NEURL1: variants seen among roughly 807,000 people sequenced by gnomAD.
The protein encoded by NEURL1 is neuralized E3 ubiquitin protein ligase 1, also known as E3 ubiquitin-protein ligase NEURL1.
In NEURL1, 26 loss-of-function variants were observed where a neutral mutation model predicts 41.2. The observed-to-expected ratio is 0.63, with a 90% CI of 0.46 to 0.87. The LOEUF is 0.87. NEURL1 is among the 40% of genes least tolerant of loss of function. The pLI is 0.00. For synonymous variants in NEURL1, 400 were observed against 402.3 expected, an observed-to-expected ratio of 0.99 and a Z score of 0.07; for missense variants, 761 against 871.1, an observed-to-expected ratio of 0.87 and a Z score of 1.59.
intron 1 of NEURL1, among the ~76,000 whole-genome samples, chr10:103,550,284 A>G (rs2035007443): frequency 6.6e-6 from 1 of 152,134 alleles, no homozygotes; most frequent in Non-Finnish European, 1.5e-5. Context: ...GGGACAGGAG[A>G]TGGCAGGGAA....
At chr10:103,503,526 C>T (rs1323928802) in intron 1 of NEURL1, among the ~76,000 whole-genome samples, 2 of 152,018 alleles carry the variant, frequency 1.3e-5, no homozygotes, top group Non-Finnish European at 1.5e-5. Context: ...GTGGGATGCA[C>T]TGATGGGGAC....
intron 1 of NEURL1, among the ~76,000 whole-genome samples, chr10:103,547,556 G>A (rs1444790514): frequency 6.6e-6 from 1 of 152,208 alleles, no homozygotes; most frequent in African/African-American, 2.4e-5. Context: ...GCAGGCAAGA[G>A]CCAGAGGAAG....
chr10:103,506,102 A>G (rs955276869), intron 1 of NEURL1, among the ~76,000 whole-genome samples: 1 of 152,196 alleles, frequency 6.6e-6, no homozygotes, highest in Non-Finnish European at 1.5e-5. Context: ...CGGTTGGGGT[A>G]AGGACGGAAA....
At chr10:103,514,922 A>G (rs367681755) in intron 1 of NEURL1, among the ~76,000 whole-genome samples, 18 of 152,096 alleles carry the variant, frequency 1.2e-4, no homozygotes, top group African/African-American at 3.6e-4. Context: ...CCTTAGTTCT[A>G]TCTCAGTCTA....
chr10:103,518,179 C>T (rs546316937), intron 1 of NEURL1, among the ~76,000 whole-genome samples: 4 of 152,114 alleles, frequency 2.6e-5, no homozygotes, highest in East Asian at 3.9e-4. Context: ...TAAATGATGA[C>T]GTCTATTCAC....
At chr10:103,583,461 A>G (rs1203097844) in intron 3 of NEURL1, among the ~76,000 whole-genome samples, 2 of 152,068 alleles carry the variant, frequency 1.3e-5, no homozygotes, top group Non-Finnish European at 2.9e-5. Flanking sequence ...CACACTTCTA[A>G]TCGTAGCACT....
At chr10:103,565,074 G>A (rs576051727) in intron 1 of NEURL1, among the ~76,000 whole-genome samples, 1 of 152,314 alleles carries the variant, frequency 6.6e-6, no homozygotes, top group South Asian at 2.1e-4. Flanking sequence ...GTAGCCGCAG[G>A]GTGGACAGGA....
chr10:103,495,945 TAAA>T (rs2033673246), intron 1 of NEURL1, among the ~76,000 whole-genome samples: 1 of 152,220 alleles, frequency 6.6e-6, no homozygotes, highest in African/African-American at 2.4e-5. Flanking sequence ...CTGTCTCTAC[TAAA>T]AATACAAAAA....
intron 1 of NEURL1, among the ~76,000 whole-genome samples, chr10:103,515,699 C>T (rs549979288): frequency 6.6e-6 from 1 of 152,190 alleles, no homozygotes; most frequent in Non-Finnish European, 1.5e-5. Context: ...AACCAGATGA[C>T]GAATGAACTA....
At chr10:103,502,663 T>C (rs1245869503) in intron 1 of NEURL1, among the ~76,000 whole-genome samples, 6 of 152,208 alleles carry the variant, frequency 3.9e-5, no homozygotes, top group African/African-American at 1.2e-4. Flanking sequence ...AGATGGCATG[T>C]GCTCACTTCC....
chr10:103,559,885 T>C (rs569575894), intron 1 of NEURL1, among the ~76,000 whole-genome samples: 15 of 151,528 alleles, frequency 9.9e-5, no homozygotes, highest in South Asian at 2.1e-4. Flanking sequence ...CGCACACACA[T>C]ACACACATGC....
intron 1 of NEURL1, among the ~76,000 whole-genome samples, chr10:103,532,682 G>A (rs1467095458): frequency 6.6e-6 from 1 of 151,466 alleles, no homozygotes; most frequent in Non-Finnish European, 1.5e-5. Flanking sequence ...TTCTCTTGCT[G>A]TTTTTAGAAT....
At chr10:103,521,183 G>T (rs1042304312) in intron 1 of NEURL1, among the ~76,000 whole-genome samples, 1 of 152,078 alleles carries the variant, frequency 6.6e-6, no homozygotes, top group Non-Finnish European at 1.5e-5. Flanking sequence ...GGGTATGAAG[G>T]TTCTACTGAA....
At chr10:103,557,233 G>A (rs976538845) in intron 1 of NEURL1, among the ~76,000 whole-genome samples, 2 of 152,078 alleles carry the variant, frequency 1.3e-5, no homozygotes, top group Admixed American at 6.5e-5. Flanking sequence ...TTCGAGACCA[G>A]CCTGGATAAT....
intron 3 of NEURL1, among the ~76,000 whole-genome samples, chr10:103,579,642 A>G: frequency 6.6e-6 from 1 of 152,190 alleles, no homozygotes; most frequent in East Asian, 1.9e-4. Flanking sequence ...ATTGTATTCA[A>G]ATATTTTCCT....
At chr10:103,542,874 T>G (rs1433930762) in intron 1 of NEURL1, among the ~76,000 whole-genome samples, 1 of 152,102 alleles carries the variant, frequency 6.6e-6, no homozygotes, top group African/African-American at 2.4e-5. Flanking sequence ...TCTTATTCAA[T>G]TTGGAGGGAA....
At chr10:103,560,821 G>A (rs191735862) in intron 1 of NEURL1, among the ~76,000 whole-genome samples, 19 of 152,364 alleles carry the variant, frequency 1.2e-4, no homozygotes, top group African/African-American at 4.6e-4. Context: ...CCTTGGGCAA[G>A]TTATTGCCTC....
chr10:103,577,213 CCTTT>C (rs778352962), intron 3 of NEURL1, among the ~76,000 whole-genome samples: 21 of 152,258 alleles, frequency 1.4e-4, no homozygotes, highest in Admixed American at 3.3e-4. Flanking sequence ...TCTGGTGCTT[CCTTT>C]CTGCTTACCC....
rs115935307 is a variant in NEURL1 at position 103,547,898 on chromosome 10, G to A, written c.86-22974G>A. ...CATGTCTTGTTCCAGCACATCCCGC[G>A]CTCATCCTGTCTCCTGCGACACCCT... On this transcript the variant is annotated intron_variant, in intron 1 of 5. Coordinates refer to ENST00000369780, the MANE Select transcript of NEURL1 (RefSeq NM_004210.5). 7.8e-3 allele frequency among the ~76,000 whole-genome samples: 1,182 copies of A among 152,040 alleles called. 10 individuals carry two copies. The highest frequency in any genetic ancestry group is 0.026 in the African/African-American group (1,098 of 41,446).
Sources: allele counts gnomAD v4.1 joint callset (sites outside exome capture counted in the v4.1 genomes callset), GRCh38; gene constraint gnomAD v4.1.1; transcripts MANE v1.5; gene names NCBI Gene and HGNC (gene_info 2026-07-23, HGNC 2026-07-21).